Variants in ATXN8OS observed in about 807,000 individuals in gnomAD.
The protein encoded by ATXN8OS is ATXN8 opposite strand (non-protein coding).
At chr13:70,171,240 G>A (rs1889140463) in exon 5 of ATXN8OS, among the ~76,000 whole-genome samples, 1 of 152,102 alleles carries the variant, frequency 6.6e-6, no homozygotes, top group Non-Finnish European at 1.5e-5. Context: ...GTTGGCTGGT[G>A]GAAGCCAGAT....
upstream of ATXN8OS, chr13:70,107,533 A>G (rs1012496803): frequency 1.2e-6 from 2 of 1,611,002 alleles, no homozygotes; most frequent in African/African-American, 1.3e-5. Context: ...GCTTTTGAGC[A>G]GGCGACTCTG....
intron 3 of ATXN8OS, among the ~76,000 whole-genome samples, chr13:70,137,567 C>T (rs958796342): frequency 2.0e-5 from 3 of 152,150 alleles, no homozygotes; most frequent in Non-Finnish European, 2.9e-5. Flanking sequence ...TTGTAGTACA[C>T]TATTTTGATT....
At position 70,165,944 on chromosome 13, in the gene ATXN8OS, T is replaced by C. The variant is rs577643362; in HGVS notation, n.574-3809T>C. On this transcript the variant is annotated intron_variant and non_coding_transcript_variant, in intron 4 of 4. Transcript: ENST00000678624. ...AATAATAATAGCACATCAATTAGTT[T>C]AGAGCAAAATGAGAAATTAGAATAC... Among the ~76,000 whole-genome samples the C allele has an allele frequency of 5.3e-4, 81 of 152,180 alleles. 1 individual carries two copies. Among genetic ancestry groups the C allele is most frequent in the African/African-American group, 1.4e-3 (57 of 41,562 alleles).
At chr13:70,116,023 C>T (rs148742230) in intron 2 of ATXN8OS, among the ~76,000 whole-genome samples, 1 of 152,150 alleles carries the variant, frequency 6.6e-6, no homozygotes, top group Non-Finnish European at 1.5e-5. Flanking sequence ...GAAATCTTCA[C>T]ATTTAAATCC....
intron 1 of ATXN8OS, among the ~76,000 whole-genome samples, chr13:70,111,837 A>G (rs1250559757): frequency 6.6e-6 from 1 of 152,206 alleles, no homozygotes; most frequent in Non-Finnish European, 1.5e-5. Context: ...TGAATGGCTA[A>G]TTATGCTCAA....
At chr13:70,119,554 A>C (rs1276558920) in intron 2 of ATXN8OS, among the ~76,000 whole-genome samples, 1 of 152,114 alleles carries the variant, frequency 6.6e-6, no homozygotes, top group Non-Finnish European at 1.5e-5. Flanking sequence ...ATACATGCAC[A>C]TGGAGTTTGA....
At chr13:70,136,350 T>G (rs1024287228) in intron 3 of ATXN8OS, among the ~76,000 whole-genome samples, 1 of 152,106 alleles carries the variant, frequency 6.6e-6, no homozygotes, top group Non-Finnish European at 1.5e-5. Context: ...ACAAGAACAG[T>G]CTTCCAAGAT....
At chr13:70,161,319 C>G (rs1465365304) in intron 4 of ATXN8OS, among the ~76,000 whole-genome samples, 6 of 152,020 alleles carry the variant, frequency 3.9e-5, no homozygotes, top group African/African-American at 1.4e-4. Context: ...AGGAAGCATT[C>G]TGATTTTTGT....
At chr13:70,132,289 TA>T (rs893864101) in intron 3 of ATXN8OS, among the ~76,000 whole-genome samples, 10 of 137,582 alleles carry the variant, frequency 7.3e-5, no homozygotes, top group African/African-American at 1.9e-4. Context: ...TACACAGCCA[TA>T]AAAAAACAAA....
intron 4 of ATXN8OS, among the ~76,000 whole-genome samples, chr13:70,148,133 G>A (rs1888812567): frequency 6.6e-6 from 1 of 152,064 alleles, no homozygotes; most frequent in Non-Finnish European, 1.5e-5. Flanking sequence ...ATAGAATAGA[G>A]GGTGAATGTC....
intron 3 of ATXN8OS, among the ~76,000 whole-genome samples, chr13:70,146,711 C>G (rs1888790960): frequency 1.5e-5 from 2 of 137,928 alleles, no homozygotes; most frequent in African/African-American, 5.5e-5. Context: ...GGGAATTGAA[C>G]AATGAGAACA....
chr13:70,127,259 T>C (rs991097310), intron 2 of ATXN8OS, among the ~76,000 whole-genome samples: 2 of 152,018 alleles, frequency 1.3e-5, no homozygotes, highest in African/African-American at 4.8e-5. Context: ...TTGCTCAAGG[T>C]AGGAGATCTA....
At chr13:70,169,536 C>T (rs1051752125) in intron 4 of ATXN8OS, among the ~76,000 whole-genome samples, 2 of 152,018 alleles carry the variant, frequency 1.3e-5, no homozygotes, top group African/African-American at 4.8e-5. Context: ...CCTCGTGATC[C>T]ACCCGCTCGG....
At chr13:70,129,375 CTGTGTG>C (rs34731574) in intron 2 of ATXN8OS, among the ~76,000 whole-genome samples, 2,338 of 148,982 alleles carry the variant, frequency 0.016, 47 homozygotes, top group African/African-American at 0.052. Flanking sequence ...TTGTATTTTT[CTGTGTG>C]TGTGTGTGTG....
chr13:70,126,694 AC>A (rs1888442382), intron 2 of ATXN8OS, among the ~76,000 whole-genome samples: 1 of 151,868 alleles, frequency 6.6e-6, no homozygotes, highest in Non-Finnish European at 1.5e-5. Flanking sequence ...TAGATGTATT[AC>A]AGTTTAGATA....
chr13:70,136,640 C>A (rs1888619945), intron 3 of ATXN8OS, among the ~76,000 whole-genome samples: 1 of 151,996 alleles, frequency 6.6e-6, no homozygotes, highest in Non-Finnish European at 1.5e-5. Context: ...AGACCTAGAC[C>A]TCCCACCTCT....
At position 70,129,012 on chromosome 13, in the gene ATXN8OS, C is replaced by G. The variant is rs567656536; in HGVS notation, n.399-772C>G. 1.7e-3 allele frequency among the ~76,000 whole-genome samples: 264 copies of G among 152,168 alleles called. 3 individuals carry two copies. Among genetic ancestry groups the G allele is most frequent in the Non-Finnish European group, 1.1e-3 (73 of 68,012 alleles). ...AGTAGCTGGGATTACAGGCATGCAC[C>G]ACCACGCCCAGCTAATTTTTTGTAT... is the stretch of plus-strand genomic sequence containing the variant. On this transcript the variant is annotated intron_variant and non_coding_transcript_variant, in intron 2 of 4. Transcript: ENST00000678624.
intron 4 of ATXN8OS, among the ~76,000 whole-genome samples, chr13:70,149,355 T>C (rs1198223431): frequency 3.3e-5 from 5 of 152,104 alleles, no homozygotes; most frequent in Non-Finnish European, 5.9e-5. Flanking sequence ...TAGGAAAACA[T>C]AGGATTGTAA....
intron 4 of ATXN8OS, among the ~76,000 whole-genome samples, chr13:70,149,222 T>C (rs181207341): frequency 1.3e-5 from 2 of 152,244 alleles, no homozygotes; most frequent in Non-Finnish European, 2.9e-5. Context: ...GTTTAAGTGT[T>C]AGATGTAAGT....
Sources: gnomAD v4.1 joint callset for allele counts (sites outside exome capture counted in the v4.1 genomes callset) on GRCh38, gnomAD v4.1.1 for gene constraint, MANE v1.5 for transcripts, NCBI Gene and HGNC (gene_info 2026-07-23, HGNC 2026-07-21) for gene names.